The following ROBO2 variants were observed in gnomAD, a reference collection of about 807,000 sequenced individuals.
ROBO2 encodes roundabout guidance receptor 2.
Under a neutral mutation model 160.8 loss-of-function variants are expected in ROBO2, and 53 were observed. That is an observed-to-expected ratio of 0.33 (90% CI 0.26 to 0.41). ROBO2 has a LOEUF of 0.41. Among genes scored for constraint, ROBO2 ranks in the 10% least tolerant of loss-of-function variants. The pLI, the probability that ROBO2 is intolerant of heterozygous loss-of-function variation, is 1.00. For missense variants in ROBO2, 1,577 were observed against 1,722.4 expected, an observed-to-expected ratio of 0.92 and a Z score of 1.49; for synonymous variants, 664 against 611.7, an observed-to-expected ratio of 1.09 and a Z score of -1.26.
At chr3:76,722,884 A>G (rs1352785707) in intron 2 of ROBO2, among the ~76,000 whole-genome samples, 1 of 152,252 alleles carries the variant, frequency 6.6e-6, no homozygotes, top group Non-Finnish European at 1.5e-5. Context: ...TTTGTCTACG[A>G]TTAATAAAGC....
intron 2 of ROBO2, among the ~76,000 whole-genome samples, chr3:76,567,437 T>G (rs2084599304): frequency 6.6e-6 from 1 of 151,660 alleles, no homozygotes; most frequent in African/African-American, 2.4e-5. Context: ...GTTTAATATC[T>G]TAGGTATCAT....
chr3:76,942,122 G>T (rs1469152935), intron 2 of ROBO2, among the ~76,000 whole-genome samples: 1 of 152,122 alleles, frequency 6.6e-6, no homozygotes, highest in Non-Finnish European at 1.5e-5. Context: ...GAATTTCTTA[G>T]ATTATTATAT....
At chr3:77,112,682 A>T (rs1466223720) in intron 2 of ROBO2, among the ~76,000 whole-genome samples, 1 of 152,322 alleles carries the variant, frequency 6.6e-6, no homozygotes, top group South Asian at 2.1e-4. Flanking sequence ...TCCCAAAGAG[A>T]GAATACATTT....
chr3:77,269,124 T>C (rs79610760), intron 2 of ROBO2, among the ~76,000 whole-genome samples: 12 of 151,964 alleles, frequency 7.9e-5, no homozygotes, highest in Non-Finnish European at 1.2e-4. Flanking sequence ...TAATTTTTTT[T>C]TCCTAATGCA....
exon 3 of ROBO2, chr3:77,477,520 C>G (rs1207313101): frequency 6.2e-7 from 1 of 1,613,830 alleles, no homozygotes; most frequent in African/African-American, 1.3e-5. Flanking sequence ...AACCCACCAT[C>G]TACTGGAAAA....
chr3:76,402,818 C>T (rs995259777), intron 2 of ROBO2, among the ~76,000 whole-genome samples: 11 of 151,582 alleles, frequency 7.3e-5, no homozygotes, highest in African/African-American at 2.7e-4. Context: ...CATTTCATTT[C>T]CACTTTTAAG....
At chr3:75,927,812 C>G (rs1236475306) in intron 1 of ROBO2, among the ~76,000 whole-genome samples, 2 of 152,096 alleles carry the variant, frequency 1.3e-5, no homozygotes, top group East Asian at 3.9e-4. Flanking sequence ...AACAAATTCT[C>G]CTCTTTCTAC....
At chr3:76,332,271 A>G (rs1470115177) in intron 2 of ROBO2, among the ~76,000 whole-genome samples, 2 of 152,166 alleles carry the variant, frequency 1.3e-5, no homozygotes, top group Non-Finnish European at 2.9e-5. Context: ...AATATTGTAT[A>G]ACACCAATTT....
At chr3:76,345,076 G>A (rs983075156) in intron 2 of ROBO2, among the ~76,000 whole-genome samples, 2 of 152,104 alleles carry the variant, frequency 1.3e-5, no homozygotes, top group African/African-American at 4.8e-5. Context: ...TTGTGATGAT[G>A]GTTTAAATTT....
At chr3:77,563,019 A>C in intron 10 of ROBO2, 148 bp from the exon 12 acceptor site, 1 of 735,610 alleles carries the variant, frequency 1.4e-6, no homozygotes, top group Non-Finnish European at 2.3e-6. Context: ...ATGTAGGAGA[A>C]GCAAACATTC....
rs200963053 is a variant in ROBO2 at position 77,564,945 on chromosome 3, G to C, written c.1683-9G>C. Reference sequence around the variant, plus strand: ...TGTTCTTTAAATGAAATTTCTGTTCGCGTTTCAGCCAATCAGTGAGCAACA... The same window carrying C: ...TGTTCTTTAAATGAAATTTCTGTTCCCGTTTCAGCCAATCAGTGAGCAACA... On this transcript the variant is annotated splice_polypyrimidine_tract_variant and intron_variant, in intron 11 of 25. Coordinates refer to ENST00000461745, the Ensembl canonical transcript of ROBO2. 6.2e-7 allele frequency: 1 copy of C among 1,612,402 alleles called. No individual in the cohort carries two copies. Among genetic ancestry groups the C allele is most frequent in the Non-Finnish European group, 8.5e-7 (1 of 1,179,330 alleles).
At chr3:76,408,951 G>A (rs2075352918) in intron 2 of ROBO2, among the ~76,000 whole-genome samples, 1 of 151,294 alleles carries the variant, frequency 6.6e-6, no homozygotes, top group Non-Finnish European at 1.5e-5. Flanking sequence ...GGAGATTGCA[G>A]GGTTTCAAAA....
At chr3:77,389,237 C>A (rs568262816) in intron 2 of ROBO2, among the ~76,000 whole-genome samples, 1 of 152,296 alleles carries the variant, frequency 6.6e-6, no homozygotes, top group South Asian at 2.1e-4. Flanking sequence ...AGCCACCACG[C>A]CAGGCCTTAT....
At chr3:76,837,676 G>T (rs2067830923) in intron 2 of ROBO2, among the ~76,000 whole-genome samples, 1 of 151,660 alleles carries the variant, frequency 6.6e-6, no homozygotes, top group Non-Finnish European at 1.5e-5. Context: ...TGACTCATTT[G>T]CAGCTTGCAA....
chr3:77,499,762 C>T (rs538262383), intron 5 of ROBO2, among the ~76,000 whole-genome samples: 5 of 151,608 alleles, frequency 3.3e-5, no homozygotes, highest in Non-Finnish European at 7.4e-5. Flanking sequence ...GATTCTCCTG[C>T]CCCAGCCTCC....
At chr3:77,073,282 T>G (rs2067604276) in intron 1 of ROBO2, among the ~76,000 whole-genome samples, 1 of 152,220 alleles carries the variant, frequency 6.6e-6, no homozygotes, top group Non-Finnish European at 1.5e-5. Context: ...ATTATTTTTC[T>G]AATGTTTACT....
At chr3:77,481,242 A>C (rs1382628110) in intron 4 of ROBO2, 23 bp downstream of exon 4, 1 of 1,497,138 alleles carries the variant, frequency 6.7e-7, no homozygotes, top group African/African-American at 1.4e-5. Context: ...TCTAAATTAT[A>C]AATTTTTATT....
chr3:77,299,436 A>G (rs951165741), intron 2 of ROBO2, among the ~76,000 whole-genome samples: 1 of 152,192 alleles, frequency 6.6e-6, no homozygotes, highest in African/African-American at 2.4e-5. Flanking sequence ...ATTGACTCAC[A>G]GTTGAACGGG....
intron 2 of ROBO2, among the ~76,000 whole-genome samples, chr3:76,372,068 A>G (rs1252885472): frequency 6.6e-6 from 1 of 151,866 alleles, no homozygotes; most frequent in Non-Finnish European, 1.5e-5. Flanking sequence ...TATTAGGTTT[A>G]CGTGTGTTTA....
Sources: gnomAD v4.1 joint callset for allele counts (sites outside exome capture counted in the v4.1 genomes callset) on GRCh38, gnomAD v4.1.1 for gene constraint, MANE v1.5 for transcripts, NCBI Gene and HGNC (gene_info 2026-07-23, HGNC 2026-07-21) for gene names.